Variants in IGF2R observed in about 807,000 individuals in gnomAD.
IGF2R encodes the protein insulin like growth factor 2 receptor, also known as cation-independent mannose-6-phosphate receptor.
Under a neutral mutation model 270.6 loss-of-function variants are expected in IGF2R, and 91 were observed. That is an observed-to-expected ratio of 0.34 (90% CI 0.28 to 0.40). The LOEUF (loss-of-function observed/expected upper bound fraction) is 0.40, where lower values mean the gene tolerates loss of function less well. IGF2R is among the 10% of genes least tolerant of loss of function. IGF2R has a pLI of 1.00. For missense variants in IGF2R, 2,805 were observed against 3,188.3 expected, an observed-to-expected ratio of 0.88 and a Z score of 2.90; for synonymous variants, 1,316 against 1,258.9, an observed-to-expected ratio of 1.05 and a Z score of -0.96.
intron 10 of IGF2R, 136 bp downstream of exon 10, chr6:160,034,658 C>A: frequency 3.7e-6 from 2 of 543,162 alleles, no homozygotes; most frequent in South Asian, 2.9e-5. Flanking sequence ...CCAGCTCTAG[C>A]CCCCAGACTG....
chr6:160,093,795 T>A, intron 44 of IGF2R: 1 of 739,102 alleles, frequency 1.4e-6, no homozygotes, highest in South Asian at 1.4e-5. Context: ...GATAACAAGA[T>A]CTCTCGTGAT....
At position 160,047,194 on chromosome 6, in the gene IGF2R, C is replaced by G. The variant is rs754988891; in HGVS notation, c.2087C>G (p.Ala696Gly). The G allele has an allele frequency of 6.2e-7, 1 of 1,614,052 alleles. No individual in the cohort carries two copies. Among genetic ancestry groups the G allele is most frequent in the Non-Finnish European group, 8.5e-7 (1 of 1,180,002 alleles). ...EKTWNLGLSN[A>G]KLSYYDGMIQ... ...ACTTGGAACTTGGGTCTGAGTAATG[C>G]GAAGCTTTCATATTATGATGGGATG... The change falls in exon 16 of 48, where the codon GCG becomes GGG. Residue 696 changes from alanine to glycine, a missense_variant. Physicochemically the swap from Ala to Gly is moderately conservative, Grantham distance 60. Coordinates refer to ENST00000356956, the MANE Select transcript of IGF2R (RefSeq NM_000876.4).
At chr6:160,013,498 T>C (rs532233087) in intron 4 of IGF2R, among the ~76,000 whole-genome samples, 12 of 151,862 alleles carry the variant, frequency 7.9e-5, no homozygotes, top group Admixed American at 7.9e-4. Context: ...TGTGTTTTTC[T>C]CAAAACAATG....
In IGF2R at chr6:160,061,899, A is replaced by G. The variant is rs767446304; in HGVS notation, c.3553A>G (p.Arg1185Gly). The change falls in exon 25 of 48, where the codon AGG (arginine) becomes GGG (glycine). Residue 1185 changes from arginine (R) to glycine (G), a missense_variant. By Grantham distance (125) the Arg-to-Gly change is moderately radical. Coordinates refer to ENST00000356956, the MANE Select transcript of IGF2R (RefSeq NM_000876.4). ...GTGTGGGAACCAGCGCTTCTCCACC[A>G]GGATCACGTTTGAGTGTGCTCAGAT... ...DKCGNQRFSTRITFECAQISG... is the reference protein window; with the variant it reads ...DKCGNQRFSTGITFECAQISG... The G allele has an allele frequency of 6.2e-7, 1 of 1,614,204 alleles. No individual in the cohort carries two copies. Among genetic ancestry groups the G allele is most frequent in the Non-Finnish European group, 8.5e-7 (1 of 1,180,030 alleles).
At chr6:160,012,108 A>G (rs1043567496) in intron 4 of IGF2R, among the ~76,000 whole-genome samples, 37 of 152,190 alleles carry the variant, frequency 2.4e-4, no homozygotes, top group Admixed American at 7.2e-4. Context: ...GAAGTGGTAA[A>G]ATACTGCCCA....
chr6:160,003,660 A>G (rs1194895202), intron 2 of IGF2R: 4 of 152,378 alleles, frequency 2.6e-5, no homozygotes, highest in South Asian at 2.1e-4. Flanking sequence ...CTATTTGACT[A>G]TCAGTCATAT....
At position 159,977,258 on chromosome 6, in the gene IGF2R, C is replaced by T. The variant is rs143342827; in HGVS notation, c.149+7863C>T. On this transcript the variant is annotated intron_variant, in intron 1 of 47. Transcript: ENST00000356956. The stretch of plus-strand genomic sequence containing the variant: ...TGGTTTGAGTTTGTCACCATGATTG[C>T]ATGGTGCTGGTGCCCTTGCAGTGAC... Among the ~76,000 whole-genome samples the T allele has an allele frequency of 1.6e-3, 248 of 152,340 alleles. 1 individual carries two copies. The highest frequency in any genetic ancestry group is 2.7e-3 in the Non-Finnish European group (181 of 68,034).
chr6:160,008,208 C>G (rs1414414588), intron 2 of IGF2R, among the ~76,000 whole-genome samples: 3 of 152,172 alleles, frequency 2.0e-5, no homozygotes, highest in Non-Finnish European at 4.4e-5. Context: ...GATTTTTGTA[C>G]CCAGTACTGG....
chr6:160,057,471 T>G (rs1337697200), intron 20 of IGF2R, among the ~76,000 whole-genome samples: 1 of 152,230 alleles, frequency 6.6e-6, no homozygotes, highest in Non-Finnish European at 1.5e-5. Flanking sequence ...GCTTTGTAAC[T>G]GCTCAGTGAG....
intron 4 of IGF2R, among the ~76,000 whole-genome samples, chr6:160,011,478 A>T (rs1784332452): frequency 1.3e-5 from 2 of 150,916 alleles, no homozygotes; most frequent in Non-Finnish European, 2.9e-5. Context: ...GTGCAACATG[A>T]TATTTTGAAA....
At chr6:160,093,096 C>G (rs558507456) in intron 44 of IGF2R, 2 of 154,176 alleles carry the variant, frequency 1.3e-5, no homozygotes, top group Admixed American at 1.3e-4. Flanking sequence ...GGGCAGAGTC[C>G]AGGAGGGAAT....
intron 1 of IGF2R, among the ~76,000 whole-genome samples, chr6:159,979,036 T>G (rs1327320249): frequency 1.3e-5 from 2 of 152,070 alleles, no homozygotes; most frequent in Non-Finnish European, 2.9e-5. Context: ...AAAACTGGCC[T>G]TTGCAGTTGA....
At chr6:159,991,426 A>G in intron 2 of IGF2R, 103 bp downstream of exon 2, 1 of 915,140 alleles carries the variant, frequency 1.1e-6, no homozygotes, top group Non-Finnish European at 1.7e-6. Flanking sequence ...AAAAATTTTG[A>G]ATGTTTAGAA....
At chr6:160,044,140 C>T (rs8191784) in intron 12 of IGF2R, among the ~76,000 whole-genome samples, 6 of 152,212 alleles carry the variant, frequency 3.9e-5, no homozygotes, top group African/African-American at 1.4e-4. Flanking sequence ...GACTTTGTGT[C>T]TTGGGGTAGC....
intron 28 of IGF2R, 43 bp downstream of exon 28, chr6:160,064,574 C>T (rs763819371): frequency 3.4e-5 from 55 of 1,603,800 alleles, no homozygotes; most frequent in Admixed American, 6.7e-5. Flanking sequence ...TTCTCCCCAC[C>T]CTCAGGCTGC....
intron 1 of IGF2R, among the ~76,000 whole-genome samples, 172 bp from the exon 2 acceptor site, chr6:159,991,012 G>T (rs1270376020): frequency 6.6e-6 from 1 of 152,202 alleles, no homozygotes; most frequent in Non-Finnish European, 1.5e-5. Context: ...AGTAGTTTCT[G>T]CCCTGGCTTC....
In IGF2R at chr6:160,064,901, A is replaced by G. The variant is rs1227553153; in HGVS notation, c.4115A>G (p.Lys1372Arg). Residue 1372 changes from lysine (K) to arginine (R), a missense_variant and splice_region_variant, in exon 29 of 48, where the codon AAA becomes AGA. Coordinates refer to ENST00000356956, the MANE Select transcript of IGF2R (RefSeq NM_000876.4). The part of the protein sequence containing the change: ...PPFDLTECSF[K>R]DGAGNSFDLS... ...TTCGATCTGACTGAATGTTCATTCA[A>G]GTAAGTCCATGGATGTGTTGTCTCT... The G allele has an allele frequency of 4.4e-6, 7 of 1,594,712 alleles. No homozygotes were observed. Among genetic ancestry groups the G allele is most frequent in the Admixed American group, 3.3e-5 (2 of 59,982 alleles).
At chr6:160,054,560 T>C (rs1039756906) in intron 19 of IGF2R, among the ~76,000 whole-genome samples, 5 of 152,288 alleles carry the variant, frequency 3.3e-5, no homozygotes, top group African/African-American at 9.6e-5. Flanking sequence ...GGCTTCTGTT[T>C]AGCACTTAGG....
At chr6:159,997,556 A>G (rs7764317) in intron 2 of IGF2R, among the ~76,000 whole-genome samples, 2,152 of 152,252 alleles carry the variant, frequency 0.014, 51 homozygotes, top group African/African-American at 0.049. Flanking sequence ...CCAGCAGTCG[A>G]CCACAGAGGT....
Sources: allele counts gnomAD v4.1 joint callset (sites outside exome capture counted in the v4.1 genomes callset), GRCh38; gene constraint gnomAD v4.1.1; transcripts MANE v1.5; gene names NCBI Gene and HGNC (gene_info 2026-07-23, HGNC 2026-07-21).